The following PPP3R1 variants were observed in gnomAD, a reference collection of about 807,000 sequenced individuals.
PPP3R1 encodes the protein protein phosphatase 3 regulatory subunit B, alpha, also known as calcineurin subunit B type 1.
Under a neutral mutation model 22.6 loss-of-function variants are expected in PPP3R1, and 5 were observed. The ratio of observed to expected loss-of-function variants is 0.22; its 90% CI spans 0.12 to 0.46. The LOEUF (loss-of-function observed/expected upper bound fraction) is 0.46. PPP3R1 is among the 20% of genes least tolerant of loss of function. PPP3R1 has a pLI of 0.99. For synonymous variants in PPP3R1, 56 were observed against 65.2 expected (o/e 0.86, Z 0.68); for missense variants, 61 against 203.2 (o/e 0.30, Z 4.25).
At chr2:68,194,071 G>A (rs1203444607) in intron 2 of PPP3R1, among the ~76,000 whole-genome samples, 1 of 152,012 alleles carries the variant, frequency 6.6e-6, no homozygotes, top group Non-Finnish European at 1.5e-5. Flanking sequence ...ACAACTTTGG[G>A]AGGAATGCCT....
chr2:68,238,635 A>G (rs188603046), intron 1 of PPP3R1, among the ~76,000 whole-genome samples: 1 of 152,296 alleles, frequency 6.6e-6, no homozygotes, highest in East Asian at 1.9e-4. Context: ...AAAAACTCTC[A>G]TGGCAATAGG....
At position 68,227,005 on chromosome 2, in the gene PPP3R1, A is replaced by C. The variant is rs1669796110; in HGVS notation, c.4-9874T>G. 2.0e-5 allele frequency among the ~76,000 whole-genome samples: 3 copies of C among 152,108 alleles called. No homozygotes were observed. The South Asian group carries it at 6.2e-4, about 31-fold the overall frequency. ...TATAGTTCACAAAGAGTCTATAACC[A>C]AATAAGGAAATGTTGTCATCTCTTA... is the stretch of plus-strand genomic sequence containing the variant. On this transcript the variant is annotated intron_variant, in intron 1 of 5. Transcript: ENST00000234310.
At chr2:68,202,888 C>T (rs948910294) in intron 2 of PPP3R1, among the ~76,000 whole-genome samples, 3 of 138,312 alleles carry the variant, frequency 2.2e-5, no homozygotes, top group African/African-American at 8.3e-5. Flanking sequence ...CTGCAAGCTT[C>T]GCCTCCCAGG....
rs371099015 is a variant in PPP3R1, at chr2:68,232,120, T to TACACACACACACAC, written c.4-14990_4-14989insGTGTGTGTGTGTGT. On this transcript the variant is annotated intron_variant, in intron 1 of 5. Coordinates refer to ENST00000234310, the MANE Select transcript of PPP3R1 (RefSeq NM_000945.4). ...CTAAAAAAAAAAAAATATATATATA[T>TACACACACACACAC]ATATACACACACACACACATATATA... Among the ~76,000 whole-genome samples the TACACACACACACAC allele has an allele frequency of 3.6e-3, 161 of 44,294 alleles. 2 individuals are homozygous for TACACACACACACAC. Among genetic ancestry groups the TACACACACACACAC allele is most frequent in the African/African-American group, 0.015 (123 of 8,134 alleles). 29.1% of individuals were successfully genotyped at this position (44,294 alleles called of 152,430 possible). A position where few individuals can be genotyped will look rare whatever the true frequency, so the allele number is the denominator to read the frequency against.
chr2:68,179,014 A>AG lies in PPP3R1; in HGVS notation c.*1948_*1949insC. ...ACAAACTAAAAAAAAAAAAAAAAAAAAAGAAAAAGAAAAAACCCTCATTCC... is the reference window on the plus strand; with the variant it reads ...ACAAACTAAAAAAAAAAAAAAAAAAAGAAGAAAAAGAAAAAACCCTCATTCC... On this transcript the variant is annotated 3_prime_UTR_variant, in exon 6 of 6. Coordinates refer to ENST00000234310, the MANE Select transcript of PPP3R1 (RefSeq NM_000945.4). 7.4e-6 allele frequency: 1 copy of AG among 135,428 alleles called. No homozygotes were observed. The highest frequency in any genetic ancestry group is 2.1e-4 in the East Asian group (1 of 4,872). The allele number at this position is 135,428 out of a possible 1,614,324, so 8.4% of individuals were successfully genotyped here.
intron 5 of PPP3R1, among the ~76,000 whole-genome samples, chr2:68,182,220 G>A (rs1321385515): frequency 2.0e-5 from 3 of 151,926 alleles, no homozygotes; most frequent in African/African-American, 7.3e-5. Context: ...TTTGTTATCT[G>A]TATTATTTTT....
At chr2:68,205,293 AG>A (rs1455388218) in intron 2 of PPP3R1, among the ~76,000 whole-genome samples, 1 of 137,344 alleles carries the variant, frequency 7.3e-6, no homozygotes, top group African/African-American at 2.7e-5. Flanking sequence ...CCCAGGCTGC[AG>A]TGCAATGGCG....
At chr2:68,220,690 T>C (rs1208893206) in intron 1 of PPP3R1, among the ~76,000 whole-genome samples, 1 of 152,170 alleles carries the variant, frequency 6.6e-6, no homozygotes, top group Admixed American at 6.5e-5. Flanking sequence ...ACATCCAATA[T>C]AAAACATAAT....
Position 68,188,552 on chromosome 2 carries a change from A to G in PPP3R1, c.182T>C (p.Ile61Thr), listed in dbSNP as rs751778712. 6.2e-7 allele frequency: 1 copy of G among 1,610,952 alleles called. No individual in the cohort carries two copies. The change falls in exon 3 of 6, where the codon ATA becomes ACA. Residue 61 changes from isoleucine (I) to threonine (T), a missense_variant. By Grantham distance (89) the Ile-to-Thr change is moderately conservative. Transcript: ENST00000234310. ...QNPLVQRVID[I>T]FDTDGNGEVD... ...TTCTCCATTCCCATCTGTGTCGAAT[A>G]TATCTATTACTCGCTGTACTAAAGG...
At chr2:68,198,294 C>A (rs922097626) in intron 2 of PPP3R1, among the ~76,000 whole-genome samples, 1 of 134,186 alleles carries the variant, frequency 7.5e-6, no homozygotes, top group African/African-American at 3.4e-5. Flanking sequence ...TGTGTATACA[C>A]ATGTATACAT....
intron 2 of PPP3R1, among the ~76,000 whole-genome samples, chr2:68,204,777 G>C (rs1675076414): frequency 1.3e-5 from 2 of 152,154 alleles, no homozygotes; most frequent in Non-Finnish European, 2.9e-5. Flanking sequence ...AAGGTATACA[G>C]CCTTTAAAAT....
At chr2:68,245,363 A>G (rs1380508494) in intron 1 of PPP3R1, among the ~76,000 whole-genome samples, 1 of 152,172 alleles carries the variant, frequency 6.6e-6, no homozygotes, top group African/African-American at 2.4e-5. Context: ...TCCTGTCTCC[A>G]AAAAGAAAAA....
chr2:68,191,197 A>C (rs1674659860), intron 2 of PPP3R1, among the ~76,000 whole-genome samples: 1 of 152,192 alleles, frequency 6.6e-6, no homozygotes, highest in Non-Finnish European at 1.5e-5. Flanking sequence ...ATTAGATTTC[A>C]TCATTGTATG....
intron 5 of PPP3R1, 97 bp from the exon 6 acceptor site, chr2:68,181,107 G>T: frequency 1.6e-6 from 2 of 1,222,026 alleles, no homozygotes; most frequent in Non-Finnish European, 2.4e-6. Flanking sequence ...TATTACTAGG[G>T]GGCTGGGCGT....
chr2:68,180,740 T>C lies in PPP3R1; in HGVS notation c.*223A>G. On this transcript the variant is annotated 3_prime_UTR_variant, in exon 6 of 6. Coordinates refer to ENST00000234310, the MANE Select transcript of PPP3R1 (RefSeq NM_000945.4). ...TCTCCACCACATTGATATGCTCTTT[T>C]CATGTTGCTGTCCTTCAGACTTTAA... 1 of 483,166 alleles carries C rather than the reference T, an allele frequency of 2.1e-6. No individual in the cohort carries two copies. Among genetic ancestry groups the C allele is most frequent in the Non-Finnish European group, 3.7e-6 (1 of 272,190 alleles). The allele number at this position is 483,166 out of a possible 1,614,324, so 29.9% of individuals were successfully genotyped here.
At chr2:68,216,062 T>C (rs910884686) in intron 2 of PPP3R1, among the ~76,000 whole-genome samples, 29 of 152,182 alleles carry the variant, frequency 1.9e-4, no homozygotes, top group African/African-American at 6.5e-4. Context: ...TGGAAAACCA[T>C]AGAGGGACGA....
intron 1 of PPP3R1, among the ~76,000 whole-genome samples, chr2:68,230,649 A>T (rs1437813969): frequency 7.0e-6 from 1 of 142,926 alleles, no homozygotes. Flanking sequence ...AGATTCTTTC[A>T]TCATACCCTT....
chr2:68,245,435 G>C (rs893372726), intron 1 of PPP3R1, among the ~76,000 whole-genome samples: 6 of 152,156 alleles, frequency 3.9e-5, no homozygotes, highest in African/African-American at 1.4e-4. Flanking sequence ...ACAGTATAAT[G>C]TCTCAAGCCT....
At chr2:68,196,366 C>T (rs1015706166) in intron 2 of PPP3R1, among the ~76,000 whole-genome samples, 3 of 152,066 alleles carry the variant, frequency 2.0e-5, no homozygotes, top group African/African-American at 7.2e-5. Flanking sequence ...AAAAATTTTC[C>T]AGTTTTATAA....
Sources: allele counts gnomAD v4.1 joint callset (sites outside exome capture counted in the v4.1 genomes callset), GRCh38; gene constraint gnomAD v4.1.1; transcripts MANE v1.5; gene names NCBI Gene and HGNC (gene_info 2026-07-23, HGNC 2026-07-21).